ARHGAP21: variants seen among roughly 807,000 people sequenced by gnomAD.
The protein encoded by ARHGAP21 is Rho GTPase activating protein 21, also known as rho GTPase-activating protein 21.
A neutral mutation model predicts 164.6 loss-of-function variants in ARHGAP21; 38 were observed. The ratio of observed to expected loss-of-function variants is 0.23; its 90% CI spans 0.18 to 0.30. ARHGAP21 has a LOEUF of 0.30. Ranked by LOEUF, ARHGAP21 falls within the 10% of genes least tolerant of loss-of-function variation. The pLI, the probability that ARHGAP21 is intolerant of heterozygous loss-of-function variation, is 1.00. For missense variants in ARHGAP21, 1,822 were observed against 2,370.7 expected (o/e 0.77, Z 4.81); for synonymous variants, 766 against 857.9 (o/e 0.89, Z 1.87).
chr10:24,704,289 C>CTTTTTTTTTTTT (rs201080039), intron 2 of ARHGAP21, among the ~76,000 whole-genome samples: 1 of 125,976 alleles, frequency 7.9e-6, no homozygotes, highest in Admixed American at 8.0e-5. Flanking sequence ...TTTTTCTTTT[C>CTTTTTTTTTTTT]TTTTTTTTTT....
At position 24,647,088 on chromosome 10, in the gene ARHGAP21, C is replaced by A. The variant is rs566449994; in HGVS notation, c.269-11985G>T. Among the ~76,000 whole-genome samples the A allele has an allele frequency of 5.3e-5, 8 of 152,278 alleles. No homozygotes were observed. In the East Asian group the frequency reaches 9.6e-4, roughly 18 times the overall value. On this transcript the variant is annotated intron_variant, in intron 4 of 25. Transcript: ENST00000396432. The stretch of plus-strand genomic sequence containing the variant: ...AAATTTCATGTTAAGTGTTTTAGAA[C>A]CCTTGAAGAGATTTTTTAAATTTCA...
Position 24,600,897 on chromosome 10 carries a change from T to G in ARHGAP21, c.2881A>C (p.Met961Leu). Residue 961 changes from methionine (M) to leucine (L), a missense_variant, in exon 14 of 26, where the codon ATG (methionine) becomes CTG (leucine). By Grantham distance (15) the Met-to-Leu change is conservative. This residue lies in a region of ARHGAP21 where 1,090 missense variants were observed against 1,378.9 expected (regional missense o/e 0.79). Transcript: ENST00000396432. ...GAATGACCCCGAAGGACAACATACA[T>G]CTGTTTCCATGGCCGAATACTTCCA... is the stretch of plus-strand genomic sequence containing the variant. ...VGGSIRPWKQMYVVLRGHSLY... is the reference protein window; with the variant it reads ...VGGSIRPWKQLYVVLRGHSLY... 2 of 1,613,186 alleles carry G rather than the reference T, an allele frequency of 1.2e-6. No individual in the cohort carries two copies. Among genetic ancestry groups the G allele is most frequent in the Non-Finnish European group, 1.7e-6 (2 of 1,179,190 alleles).
chr10:24,703,408 G>A lies in ARHGAP21; in HGVS notation c.63+18429C>T, dbSNP rs80068155. On this transcript the variant is annotated intron_variant, in intron 2 of 25. Coordinates refer to ENST00000396432, the MANE Select transcript of ARHGAP21 (RefSeq NM_020824.4). ...GCACTATGTTAAATGCTATATCCAG[G>A]TTATCTCATTTTAAACTTCACAACA... is the stretch of plus-strand genomic sequence containing the variant. Among the ~76,000 whole-genome samples, 949 of 152,124 alleles carry A rather than the reference G, an allele frequency of 6.2e-3. 6 individuals are homozygous for A. Among genetic ancestry groups the A allele is most frequent in the African/African-American group, 0.022 (902 of 41,500 alleles).
chr10:24,659,292 T>C (rs925161157), intron 4 of ARHGAP21, among the ~76,000 whole-genome samples: 9 of 152,230 alleles, frequency 5.9e-5, no homozygotes, highest in Non-Finnish European at 1.0e-4. Context: ...TCTTTTATTG[T>C]TATCTACCTT....
intron 4 of ARHGAP21, among the ~76,000 whole-genome samples, chr10:24,655,345 G>A (rs1176890814): frequency 6.6e-6 from 1 of 152,188 alleles, no homozygotes; most frequent in East Asian, 1.9e-4. Flanking sequence ...TCTACAGAAT[G>A]GGAGGAAATT....
intron 4 of ARHGAP21, among the ~76,000 whole-genome samples, chr10:24,645,862 G>A (rs1837519308): frequency 6.6e-6 from 1 of 152,132 alleles, no homozygotes; most frequent in African/African-American, 2.4e-5. Context: ...AACTGCAATG[G>A]AGAACAATAA....
intron 7 of ARHGAP21, chr10:24,628,898 C>T (rs1593087152): frequency 4.1e-5 from 3 of 72,650 alleles, no homozygotes; most frequent in Admixed American, 1.7e-4. Flanking sequence ...TATATACATA[C>T]ATATATACAC....
At position 24,619,689 on chromosome 10, in the gene ARHGAP21, T is replaced by C; in HGVS notation, c.2206A>G (p.Ile736Val). ...SDTLDNKEAV[I>V]LREKPPSGRQ... ...CCAGATGGAGGTTTTTCCCTTAGGA[T>C]GACAGCTTCTTTATTATCTAAAGTA... is the stretch of plus-strand genomic sequence containing the variant. Residue 736 changes from isoleucine (I) to valine (V), a missense_variant, in exon 9 of 26, where the codon ATC (isoleucine) becomes GTC (valine). Around this residue, in one of 5 missense-constraint regions of ARHGAP21, gnomAD observed 1,090 missense variants for 1,378.9 expected, o/e 0.79. Transcript: ENST00000396432. 1 of 1,614,152 alleles carries C rather than the reference T, an allele frequency of 6.2e-7. No individual in the cohort carries two copies. The highest frequency in any genetic ancestry group is 1.1e-5 in the South Asian group (1 of 91,086).
chr10:24,699,925 G>C (rs567345418), intron 2 of ARHGAP21, among the ~76,000 whole-genome samples: 41 of 152,182 alleles, frequency 2.7e-4, no homozygotes, highest in African/African-American at 9.9e-4. Flanking sequence ...TTCAACTAAC[G>C]TTCCTGCGGC....
chr10:24,669,968 A>T (rs1179653143), intron 3 of ARHGAP21, among the ~76,000 whole-genome samples: 1 of 152,246 alleles, frequency 6.6e-6, no homozygotes, highest in Non-Finnish European at 1.5e-5. Context: ...TGGAATTAGA[A>T]GTCCTTAAAA....
chr10:24,673,450 A>ATTTG (rs1475931447), intron 2 of ARHGAP21, among the ~76,000 whole-genome samples: 4 of 152,236 alleles, frequency 2.6e-5, no homozygotes, highest in Non-Finnish European at 5.9e-5. Context: ...TTGTACAAGT[A>ATTTG]TAATACAAAT....
In ARHGAP21 at chr10:24,650,376, C is replaced by T. The variant is rs556216679; in HGVS notation, c.269-15273G>A. On this transcript the variant is annotated intron_variant, in intron 4 of 25. Coordinates refer to ENST00000396432, the MANE Select transcript of ARHGAP21 (RefSeq NM_020824.4). ...TCTCTTTAAAAAACAACAAAAAAAG[C>T]AACATGTAGATAGGAAGGAGATAAT... Among the ~76,000 whole-genome samples, 15 of 152,116 alleles carry T rather than the reference C, an allele frequency of 9.9e-5. No homozygotes were observed. The South Asian group carries it at 1.2e-3, about 13-fold the overall frequency.
intron 16 of ARHGAP21, 68 bp downstream of exon 16, chr10:24,597,379 A>G (rs2076629760): frequency 1.3e-6 from 2 of 1,556,936 alleles, no homozygotes; most frequent in African/African-American, 2.7e-5. Context: ...TACAGAAAAC[A>G]TAAACGTACC....
chr10:24,676,823 A>G (rs1384770226), intron 2 of ARHGAP21, among the ~76,000 whole-genome samples: 1 of 152,238 alleles, frequency 6.6e-6, no homozygotes, highest in East Asian at 1.9e-4. Flanking sequence ...CATCATTAAA[A>G]TAAGAATAAA....
At chr10:24,594,698 A>G (rs1406034667) in intron 21 of ARHGAP21, among the ~76,000 whole-genome samples, 1 of 152,210 alleles carries the variant, frequency 6.6e-6, no homozygotes, top group Non-Finnish European at 1.5e-5. Flanking sequence ...AAAAAATGAG[A>G]GAAGTAAAAT....
chr10:24,703,198 A>C (rs377095492), intron 2 of ARHGAP21, among the ~76,000 whole-genome samples: 1 of 152,226 alleles, frequency 6.6e-6, no homozygotes, highest in Non-Finnish European at 1.5e-5. Context: ...GATTTAATTA[A>C]GTAAACCAAT....
chr10:24,602,999 AATC>A (rs1157758678), intron 12 of ARHGAP21, among the ~76,000 whole-genome samples: 16 of 152,206 alleles, frequency 1.1e-4, no homozygotes, highest in Non-Finnish European at 1.5e-4. Flanking sequence ...ACTGCGGTCT[AATC>A]ATCACGTAAA....
chr10:24,590,591 G>A (rs2076286202), intron 24 of ARHGAP21: 9 of 1,432,188 alleles, frequency 6.3e-6, no homozygotes, highest in Non-Finnish European at 8.2e-6. Context: ...CAACATGCTA[G>A]ATTAGTGCAA....
chr10:24,652,629 T>TA (rs1315027898), intron 4 of ARHGAP21, among the ~76,000 whole-genome samples: 1 of 152,058 alleles, frequency 6.6e-6, no homozygotes, highest in Non-Finnish European at 1.5e-5. Context: ...AAGTTAATAA[T>TA]AAAAAAAGAA....
Sources: gnomAD v4.1 joint callset for allele counts (sites outside exome capture counted in the v4.1 genomes callset) on GRCh38, gnomAD v4.1.1 for gene constraint, gnomAD v4.1.1 regional missense constraint, MANE v1.5 for transcripts, NCBI Gene and HGNC (gene_info 2026-07-23, HGNC 2026-07-21) for gene names.